Variants in COPG2 observed in about 807,000 individuals in gnomAD.
COPG2 encodes the protein coat protein complex I subunit gamma 2.
A neutral mutation model predicts 46.3 loss-of-function variants in COPG2; 37 were observed. The ratio of observed to expected loss-of-function variants is 0.80; its 90% CI spans 0.61 to 1.05. The LOEUF (loss-of-function observed/expected upper bound fraction) is 1.05, where lower values mean the gene tolerates loss of function less well. Ranked by LOEUF, COPG2 falls within the 50% of genes least tolerant of loss-of-function variation. COPG2 has a pLI of 0.00. For synonymous variants in COPG2, 159 were observed against 129.7 expected, an observed-to-expected ratio of 1.23 and a Z score of -1.53; for missense variants, 427 against 387.8, an observed-to-expected ratio of 1.10 and a Z score of -0.85.
rs1040462054 is a variant in COPG2 at position 130,508,728 on chromosome 7, G to C, written c.2150-69C>G. ...GGGAGACGTTTCCATCATTCCATCT[G>C]TACTCAGCACTGTGTTCCACATTTT... On this transcript the variant is annotated intron_variant, in intron 20 of 23. Transcript: ENST00000425248. The C allele has an allele frequency of 4.3e-6, 3 of 699,948 alleles. No homozygotes were observed. In the African/African-American group the frequency reaches 5.3e-5, roughly 12 times the overall value. The allele number at this position is 699,948 out of a possible 1,614,324, so 43.4% of individuals were successfully genotyped here.
chr7:130,630,411 A>G (rs1584592548), intron 5 of COPG2, among the ~76,000 whole-genome samples: 2 of 152,318 alleles, frequency 1.3e-5, no homozygotes, highest in East Asian at 3.9e-4. Context: ...GTATTCTGCA[A>G]ATTTGCTAAG....
At chr7:130,510,255 G>A (rs556910148) in intron 20 of COPG2, 1 of 518,310 alleles carries the variant, frequency 1.9e-6, no homozygotes, top group East Asian at 5.5e-5. Flanking sequence ...TCCCATATAG[G>A]AAAGAATGAA....
intron 3 of COPG2, among the ~76,000 whole-genome samples, chr7:130,666,603 A>T (rs1185770600): frequency 1.3e-5 from 2 of 152,180 alleles, no homozygotes; most frequent in Non-Finnish European, 2.9e-5. Flanking sequence ...AATATTCCAA[A>T]ATCCAAAAAA....
chr7:130,542,676 C>G (rs1793356109), intron 20 of COPG2, among the ~76,000 whole-genome samples: 1 of 152,116 alleles, frequency 6.6e-6, no homozygotes, highest in African/African-American at 2.4e-5. Context: ...CAAATTTACA[C>G]TGGCATACCA....
chr7:130,605,625 T>C, intron 9 of COPG2: 9 of 460,522 alleles, frequency 2.0e-5, no homozygotes, highest in Non-Finnish European at 3.5e-5. Context: ...AGGCAACCTC[T>C]AGAGGCACAG....
At position 130,655,332 on chromosome 7, in the gene COPG2, G is replaced by A. The variant is rs550879322; in HGVS notation, c.244-2384C>T. Among the ~76,000 whole-genome samples the A allele has an allele frequency of 1.4e-3, 215 of 152,030 alleles. 1 individual carries two copies. The highest frequency in any genetic ancestry group is 4.8e-3 in the African/African-American group (200 of 41,442). On this transcript the variant is annotated intron_variant, in intron 4 of 23. Transcript: ENST00000425248. ...GGTTATAGTATATTCCCATTACTTAGGTAATAATTACTTATGAATGGTTTC... is the reference window on the plus strand; with the variant it reads ...GGTTATAGTATATTCCCATTACTTAAGTAATAATTACTTATGAATGGTTTC...
intron 20 of COPG2, among the ~76,000 whole-genome samples, chr7:130,541,278 T>G (rs1799934236): frequency 6.6e-6 from 1 of 152,038 alleles, no homozygotes; most frequent in African/African-American, 2.4e-5. Flanking sequence ...GAGAAGGGCC[T>G]AGTGACACAG....
At chr7:130,602,517 G>T (rs979714304) in intron 9 of COPG2, among the ~76,000 whole-genome samples, 1 of 151,970 alleles carries the variant, frequency 6.6e-6, no homozygotes, top group African/African-American at 2.4e-5. Context: ...CTGTTGCCCA[G>T]GTTGGAGTAT....
chr7:130,664,209 C>T (rs1232251614), intron 3 of COPG2, among the ~76,000 whole-genome samples: 3 of 152,132 alleles, frequency 2.0e-5, no homozygotes, highest in Admixed American at 1.3e-4. Context: ...TTATATAATA[C>T]GTTACACTCA....
chr7:130,565,859 G>C (rs2116408239), intron 9 of COPG2, among the ~76,000 whole-genome samples: 1 of 151,878 alleles, frequency 6.6e-6, no homozygotes, highest in East Asian at 1.9e-4. Flanking sequence ...GAAAGAATAA[G>C]AAAACTTGTA....
intron 23 of COPG2, among the ~76,000 whole-genome samples, chr7:130,507,017 T>C (rs1157576766): frequency 2.6e-5 from 4 of 152,214 alleles, no homozygotes; most frequent in Non-Finnish European, 4.4e-5. Context: ...TATTCAAAAA[T>C]ACCAATTTGG....
intron 9 of COPG2, among the ~76,000 whole-genome samples, chr7:130,577,783 AAAAAAC>A (rs1794037568): frequency 6.6e-6 from 1 of 150,844 alleles, no homozygotes; most frequent in African/African-American, 2.4e-5. Flanking sequence ...AAAAAAAAAA[AAAAAAC>A]AAAAAAAAAA....
At chr7:130,567,478 C>T (rs1329702368) in intron 9 of COPG2, among the ~76,000 whole-genome samples, 5 of 152,132 alleles carry the variant, frequency 3.3e-5, no homozygotes, top group African/African-American at 7.2e-5. Context: ...GAAAATTCAT[C>T]ACAAAAAGAT....
At chr7:130,667,063 G>T (rs1796099471) in intron 2 of COPG2, 134 bp from the exon 3 acceptor site, 1 of 583,624 alleles carries the variant, frequency 1.7e-6, no homozygotes, top group Non-Finnish European at 3.0e-6. Context: ...ATTTACTAAG[G>T]TATCTGATAA....
At chr7:130,532,850 C>T (rs1276787323) in intron 20 of COPG2, among the ~76,000 whole-genome samples, 7 of 151,960 alleles carry the variant, frequency 4.6e-5, no homozygotes, top group African/African-American at 7.3e-5. Context: ...GCAGTGGGTG[C>T]GGGGCCTGGT....
intron 20 of COPG2, among the ~76,000 whole-genome samples, chr7:130,532,840 G>T (rs1221600923): frequency 6.6e-6 from 1 of 152,152 alleles, no homozygotes. Context: ...ATCTGGTGGA[G>T]CAGTGGGTGC....
chr7:130,508,536 A>AC (rs201508483), intron 21 of COPG2, 26 bp downstream of exon 21: 11,658 of 757,658 alleles, frequency 0.015, 133 homozygotes, highest in Non-Finnish European at 0.02. Context: ...GGTGTCAAAG[A>AC]AAGTCTCTAT....
chr7:130,656,941 GATTAT>G (rs1467977535), intron 4 of COPG2, among the ~76,000 whole-genome samples: 3 of 149,746 alleles, frequency 2.0e-5, no homozygotes, highest in Middle Eastern at 3.2e-3. Flanking sequence ...TATATAAAAA[GATTAT>G]ATTATATATA....
chr7:130,659,540 T>C (rs1554460387), intron 4 of COPG2, among the ~76,000 whole-genome samples: 1 of 152,224 alleles, frequency 6.6e-6, no homozygotes, highest in East Asian at 1.9e-4. Context: ...TATTCACATA[T>C]TGGAATTCCA....
Sources: gnomAD v4.1 joint callset for allele counts (sites outside exome capture counted in the v4.1 genomes callset) on GRCh38, gnomAD v4.1.1 for gene constraint, MANE v1.5 for transcripts, NCBI Gene and HGNC (gene_info 2026-07-23, HGNC 2026-07-21) for gene names.